The following TASP1 variants were observed in gnomAD, a reference collection of about 807,000 sequenced individuals.
TASP1 encodes taspase 1.
In TASP1, 16 loss-of-function variants were observed where a neutral mutation model predicts 56.6. That is an observed-to-expected ratio of 0.28 (90% CI 0.19 to 0.43). The LOEUF is 0.43. Ranked by LOEUF, TASP1 falls within the 20% of genes least tolerant of loss-of-function variation. The pLI, the probability that TASP1 is intolerant of heterozygous loss-of-function variation, is 1.00. For missense variants in TASP1, 393 were observed against 511.6 expected, an observed-to-expected ratio of 0.77 and a Z score of 2.24; for synonymous variants, 179 against 184.2, an observed-to-expected ratio of 0.97 and a Z score of 0.23.
At chr20:13,617,639 C>G (rs1002737336) in intron 4 of TASP1, among the ~76,000 whole-genome samples, 4 of 152,090 alleles carry the variant, frequency 2.6e-5, no homozygotes, top group African/African-American at 4.8e-5. Context: ...TAAAAATGTA[C>G]AGGAAACTGG....
intron 6 of TASP1, among the ~76,000 whole-genome samples, chr20:13,573,880 TAG>T (rs1479443194): frequency 2.6e-5 from 4 of 152,302 alleles, no homozygotes; most frequent in African/African-American, 7.2e-5. Context: ...CATTACTGCC[TAG>T]AGAGTTTCTA....
At chr20:13,551,364 C>T (rs1473900144) in intron 8 of TASP1, among the ~76,000 whole-genome samples, 4 of 151,964 alleles carry the variant, frequency 2.6e-5, no homozygotes, top group Non-Finnish European at 5.9e-5. Flanking sequence ...TTGTAAAAGT[C>T]ATGGGAGGAG....
intron 5 of TASP1, among the ~76,000 whole-genome samples, chr20:13,581,698 A>G (rs1437019379): frequency 6.6e-6 from 1 of 152,172 alleles, no homozygotes; most frequent in Non-Finnish European, 1.5e-5. Context: ...TGACAAAGAC[A>G]ATGACACTGA....
At chr20:13,304,936 G>A in the TASP1 span, among the ~76,000 whole-genome samples, 3,498 of 152,134 alleles carry the variant, frequency 0.023, 69 homozygotes, top group Non-Finnish European at 0.031. Flanking sequence ...CTTGCTCAGC[G>A]CCATCTCTCA....
intron 1 of TASP1, among the ~76,000 whole-genome samples, chr20:13,637,782 G>C (rs2049362396): frequency 6.6e-6 from 1 of 152,148 alleles, no homozygotes; most frequent in Non-Finnish European, 1.5e-5. Flanking sequence ...ATTTCTTTTG[G>C]GGGTGATGAA....
At chr20:13,286,160 G>T in the TASP1 span, among the ~76,000 whole-genome samples, 1 of 152,042 alleles carries the variant, frequency 6.6e-6, no homozygotes, top group East Asian at 1.9e-4. Flanking sequence ...ACAAAATCTG[G>T]CCTCGGTGGT....
the TASP1 span, among the ~76,000 whole-genome samples, chr20:13,269,909 TTGGA>T: frequency 2.7e-5 from 4 of 149,438 alleles, no homozygotes; most frequent in African/African-American, 9.9e-5. Flanking sequence ...CATTTGATGA[TTGGA>T]TGGATGGGTG....
chr20:13,305,664 A>G, the TASP1 span, among the ~76,000 whole-genome samples: 2 of 152,204 alleles, frequency 1.3e-5, no homozygotes. Flanking sequence ...ATTAAGGCAG[A>G]AAGTTTACAG....
At chr20:13,361,416 C>A in the TASP1 span, among the ~76,000 whole-genome samples, 16 of 152,080 alleles carry the variant, frequency 1.1e-4, no homozygotes, top group Non-Finnish European at 8.8e-5. Flanking sequence ...TTCAGTGAAA[C>A]CTTTATATCC....
chr20:13,629,880 A>T (rs1400013982), intron 2 of TASP1, 54 bp downstream of exon 2: 4 of 1,607,644 alleles, frequency 2.5e-6, no homozygotes, highest in Non-Finnish European at 3.4e-6. Context: ...ACTTCAAGGC[A>T]GAAAAAGAAA....
the TASP1 span, chr20:13,164,810 C>A: frequency 1.5e-5 from 25 of 1,613,876 alleles, no homozygotes; most frequent in Non-Finnish European, 2.0e-5. Flanking sequence ...ATTCCCGGCA[C>A]AAGAAGTCAG....
the TASP1 span, among the ~76,000 whole-genome samples, chr20:13,156,905 G>GA: frequency 0.012 from 1,827 of 152,148 alleles, 16 homozygotes; most frequent in Non-Finnish European, 0.017. Flanking sequence ...AAAATGTCCA[G>GA]AAAAAATAGT....
intron 4 of TASP1, among the ~76,000 whole-genome samples, chr20:13,600,218 A>G (rs570993525): frequency 1.3e-5 from 2 of 152,196 alleles, no homozygotes; most frequent in Non-Finnish European, 2.9e-5. Context: ...CACAATCCCA[A>G]TATAAATTCC....
the TASP1 span, among the ~76,000 whole-genome samples, chr20:13,356,756 A>G: frequency 6.6e-6 from 1 of 152,224 alleles, no homozygotes; most frequent in Non-Finnish European, 1.5e-5. Context: ...ACTCAAAACC[A>G]GATCTGAAAC....
chr20:13,387,184 A>ATTTTTTTTTTTTTTTTTTTTTTTT (rs779048448), downstream of TASP1, among the ~76,000 whole-genome samples: 22 of 70,706 alleles, frequency 3.1e-4, 3 homozygotes, highest in African/African-American at 1.2e-3. Context: ...ACATGATTTC[A>ATTTTTTTTTTTTTTTTTTTTTTTT]TTTTTTTTTT....
At chr20:13,471,235 T>C (rs1184726607) in intron 11 of TASP1, among the ~76,000 whole-genome samples, 1 of 152,030 alleles carries the variant, frequency 6.6e-6, no homozygotes, top group Non-Finnish European at 1.5e-5. Context: ...TGTGAGCAGA[T>C]CTGGCCTTTT....
chr20:13,434,904 T>C (rs2042949565), intron 12 of TASP1, 140 bp downstream of exon 12: 1 of 546,166 alleles, frequency 1.8e-6, no homozygotes, highest in South Asian at 3.1e-5. Context: ...AAAAGATCAG[T>C]AGAACAGGGA....
At chr20:13,576,342 G>GGAAGA (rs2046913517) in intron 6 of TASP1, among the ~76,000 whole-genome samples, 2 of 131,742 alleles carry the variant, frequency 1.5e-5, no homozygotes, top group South Asian at 5.2e-4. Flanking sequence ...AGAAAGAAAG[G>GGAAGA]AAGAAAGAAA....
At chr20:13,220,643 C>T in the TASP1 span, among the ~76,000 whole-genome samples, 2 of 152,256 alleles carry the variant, frequency 1.3e-5, no homozygotes, top group South Asian at 2.1e-4. Flanking sequence ...AGTCGGACTC[C>T]CCTCCCTTCC....
Sources: gnomAD v4.1 joint callset for allele counts (sites outside exome capture counted in the v4.1 genomes callset) on GRCh38, gnomAD v4.1.1 for gene constraint, MANE v1.5 for transcripts, NCBI Gene and HGNC (gene_info 2026-07-23, HGNC 2026-07-21) for gene names.